RAD54L2: variants seen among roughly 807,000 people sequenced by gnomAD.
The protein encoded by RAD54L2 is helicase ARIP4.
In RAD54L2, 27 loss-of-function variants were observed where a neutral mutation model predicts 138.4. The observed-to-expected ratio is 0.20, with a 90% CI of 0.14 to 0.27. The LOEUF (loss-of-function observed/expected upper bound fraction) is 0.27. Among genes scored for constraint, RAD54L2 ranks in the 10% least tolerant of loss-of-function variants. The pLI is 1.00. For missense variants in RAD54L2, 1,396 were observed against 1,890.2 expected (o/e 0.74, Z 4.85); for synonymous variants, 644 against 723.2 (o/e 0.89, Z 1.76).
chr3:51,626,314 C>T (rs1017625395), intron 3 of RAD54L2, among the ~76,000 whole-genome samples: 2 of 151,830 alleles, frequency 1.3e-5, no homozygotes, highest in Non-Finnish European at 2.9e-5. Flanking sequence ...CCTGCCTACC[C>T]AGTGAACAGA....
rs71278623 is a variant in RAD54L2, at chr3:51,594,860, CTTTTTTTTTTTTTTTT to C, written c.139+4317_139+4332del. Among the ~76,000 whole-genome samples the C allele has an allele frequency of 6.9e-3, 233 of 33,612 alleles. 6 individuals are homozygous for C. In the South Asian group the frequency reaches 0.19, roughly 27 times the overall value. 22.1% of individuals were successfully genotyped at this position (33,612 alleles called of 152,430 possible). On this transcript the variant is annotated intron_variant, in intron 3 of 22. Transcript: ENST00000684192. ...ATAGGCAACATGGAATTGATGGGCG[CTTTTTTTTTTTTTTTT>C]TTTTTTTTTTTTTTTGACGGAGTCT...
At chr3:51,625,570 T>C (rs1700659899) in intron 3 of RAD54L2, among the ~76,000 whole-genome samples, 1 of 151,906 alleles carries the variant, frequency 6.6e-6, no homozygotes, top group South Asian at 2.1e-4. Context: ...TTAAAATTAG[T>C]GGGTGAGGCT....
chr3:51,644,010 T>C, intron 16 of RAD54L2, 36 bp downstream of exon 16: 6 of 1,529,010 alleles, frequency 3.9e-6, no homozygotes, highest in Non-Finnish European at 5.3e-6. Flanking sequence ...CAAAGGAATC[T>C]GTTCAGGCAG....
intron 2 of RAD54L2, among the ~76,000 whole-genome samples, chr3:51,587,547 T>C (rs1245410954): frequency 1.3e-5 from 2 of 152,214 alleles, no homozygotes; most frequent in South Asian, 2.1e-4. Flanking sequence ...AAGTGAGTTA[T>C]TAATGCAAAA....
At chr3:51,600,245 A>G (rs1418519458) in intron 3 of RAD54L2, among the ~76,000 whole-genome samples, 1 of 152,174 alleles carries the variant, frequency 6.6e-6, no homozygotes, top group Non-Finnish European at 1.5e-5. Flanking sequence ...CCTGGCCCCA[A>G]GTAACTTTTA....
intron 2 of RAD54L2, among the ~76,000 whole-genome samples, chr3:51,543,790 C>A (rs1389632474): frequency 6.6e-6 from 1 of 152,030 alleles, no homozygotes; most frequent in Admixed American, 6.6e-5. Context: ...TAGTGAACTC[C>A]TTGAAGGTCC....
At position 51,633,696 on chromosome 3, in the gene RAD54L2, G is replaced by A. The variant is rs2106802871; in HGVS notation, c.945G>A (p.Val315=). The A allele has an allele frequency of 6.2e-7, 1 of 1,613,974 alleles. No individual in the cohort carries two copies. The highest frequency in any genetic ancestry group is 2.2e-5 in the East Asian group (1 of 44,888). ...TGGGTCTGGGGAAAACTTTGCAAGT[G>A]ATCTCTTTCATCGACGTCCTCTTCC... The part of the protein sequence containing the change: ...HSMGLGKTLQ[V]ISFIDVLFRH... Residue 315 remains valine, a synonymous_variant, in exon 8 of 23, where the codon GTG becomes GTA. Transcript: ENST00000684192.
At chr3:51,631,581 C>T (rs1242895575) in intron 7 of RAD54L2, among the ~76,000 whole-genome samples, 1 of 150,320 alleles carries the variant, frequency 6.7e-6, no homozygotes, top group African/African-American at 2.5e-5. Flanking sequence ...TGAGCTCAAG[C>T]GATCCACCTG....
At chr3:51,636,938 A>AG in intron 10 of RAD54L2, 1 of 556,698 alleles carries the variant, frequency 1.8e-6, no homozygotes, top group South Asian at 2.1e-5. Context: ...GTCTCAAAAA[A>AG]GAAAAAAAAA....
chr3:51,539,942 C>G (rs1168755899), intron 1 of RAD54L2, among the ~76,000 whole-genome samples: 2 of 152,184 alleles, frequency 1.3e-5, no homozygotes, highest in Non-Finnish European at 2.9e-5. Flanking sequence ...AGAGTGGTGA[C>G]TGTCATTGAC....
intron 2 of RAD54L2, among the ~76,000 whole-genome samples, chr3:51,571,671 A>C (rs946475683): frequency 1.3e-5 from 2 of 151,946 alleles, no homozygotes; most frequent in Admixed American, 6.6e-5. Context: ...CCTGTCCTCA[A>C]ATAGCTTATT....
chr3:51,622,338 A>G (rs746809685), intron 3 of RAD54L2, among the ~76,000 whole-genome samples: 1 of 152,118 alleles, frequency 6.6e-6, no homozygotes, highest in Non-Finnish European at 1.5e-5. Context: ...TTGCCACCCT[A>G]GCCTCTGCTT....
intron 2 of RAD54L2, among the ~76,000 whole-genome samples, chr3:51,567,857 C>T (rs1037137155): frequency 6.6e-6 from 1 of 151,086 alleles, no homozygotes; most frequent in Non-Finnish European, 1.5e-5. Flanking sequence ...CAGGAGAATC[C>T]CTTGAGCCCA....
At chr3:51,594,709 G>A (rs962044355) in intron 3 of RAD54L2, among the ~76,000 whole-genome samples, 1 of 151,984 alleles carries the variant, frequency 6.6e-6, no homozygotes, top group African/African-American at 2.4e-5. Flanking sequence ...GGGAAAGTAT[G>A]GCAAATGCTA....
At chr3:51,542,698 C>T (rs1014932711) in intron 2 of RAD54L2, among the ~76,000 whole-genome samples, 1 of 152,118 alleles carries the variant, frequency 6.6e-6, no homozygotes, top group Non-Finnish European at 1.5e-5. Flanking sequence ...CTACTGACCT[C>T]GTGATCCGCC....
chr3:51,639,711 G>T, intron 13 of RAD54L2, 41 bp downstream of exon 13: 1 of 1,606,612 alleles, frequency 6.2e-7, no homozygotes, highest in South Asian at 1.1e-5. Context: ...AACTATTGCT[G>T]AGAAGGGATG....
At chr3:51,547,561 A>G (rs1698727877) in intron 2 of RAD54L2, among the ~76,000 whole-genome samples, 1 of 150,662 alleles carries the variant, frequency 6.6e-6, no homozygotes, top group African/African-American at 2.4e-5. Flanking sequence ...ATGATGTTGT[A>G]GTTTATAAAA....
At chr3:51,623,940 C>T (rs1478587710) in intron 3 of RAD54L2, among the ~76,000 whole-genome samples, 1 of 137,456 alleles carries the variant, frequency 7.3e-6, no homozygotes, top group African/African-American at 2.8e-5. Context: ...TTGCGCCACA[C>T]TGCAGTCCAG....
At chr3:51,591,553 T>G (rs1699841600) in intron 3 of RAD54L2, among the ~76,000 whole-genome samples, 1 of 152,204 alleles carries the variant, frequency 6.6e-6, no homozygotes, top group Non-Finnish European at 1.5e-5. Flanking sequence ...TTTGCCCTCC[T>G]TTATACTGTC....
Sources: gnomAD v4.1 joint callset for allele counts (sites outside exome capture counted in the v4.1 genomes callset) on GRCh38, gnomAD v4.1.1 for gene constraint, MANE v1.5 for transcripts, NCBI Gene and HGNC (gene_info 2026-07-23, HGNC 2026-07-21) for gene names.